Variants in CCNJL observed in about 807,000 individuals in gnomAD.
The protein encoded by CCNJL is cyclin J like, also known as cyclin-J-like protein.
CCNJL carries 33 observed loss-of-function variants against 33.4 expected under a neutral mutation model. The ratio of observed to expected loss-of-function variants is 0.99; its 90% CI spans 0.75 to 1.32. The LOEUF (loss-of-function observed/expected upper bound fraction) is 1.32, where lower values mean the gene tolerates loss of function less well. CCNJL is among the 40% of genes most tolerant of loss of function. CCNJL has a pLI of 0.00. For synonymous variants in CCNJL, 227 were observed against 220.9 expected (o/e 1.03, Z -0.24); for missense variants, 512 against 499.7 (o/e 1.02, Z -0.23).
intron 1 of CCNJL, among the ~76,000 whole-genome samples, chr5:160,320,390 G>T (rs571345203): frequency 1.8e-4 from 27 of 152,296 alleles, no homozygotes; most frequent in African/African-American, 6.3e-4. Context: ...AATCTGGGGG[G>T]ATAAGAGGGT....
At chr5:160,309,262 G>A (rs1176299646) in intron 2 of CCNJL, among the ~76,000 whole-genome samples, 1 of 152,212 alleles carries the variant, frequency 6.6e-6, no homozygotes. Context: ...CGTGCATGCA[G>A]TACCAAGACT....
In CCNJL at chr5:160,311,857, C is replaced by T; in HGVS notation, c.66+1G>A. The T allele has an allele frequency of 6.2e-7, 1 of 1,613,938 alleles. No homozygotes were observed. Among genetic ancestry groups the T allele is most frequent in the Non-Finnish European group, 8.5e-7 (1 of 1,179,780 alleles). On this transcript the variant is annotated splice_donor_variant, in intron 2 of 5. Coordinates refer to ENST00000257536, the MANE Select transcript of CCNJL (RefSeq NM_001308173.3). LOFTEE classifies it high-confidence loss of function. ...AGTGACAAGGGCAGGGAGGGACTGA[C>T]CTTCTCGCGCAGGGTGCAGTGGACG...
At chr5:160,256,481 G>A (rs1761067712) in intron 4 of CCNJL, among the ~76,000 whole-genome samples, 1 of 152,182 alleles carries the variant, frequency 6.6e-6, no homozygotes, top group Non-Finnish European at 1.5e-5. Flanking sequence ...TTGGCACTTA[G>A]GTTGACTGAG....
At position 160,292,852 on chromosome 5, in the gene CCNJL, T is replaced by G. The variant is rs1204316802; in HGVS notation, c.67-12114A>C. 2.0e-5 allele frequency among the ~76,000 whole-genome samples: 3 copies of G among 152,202 alleles called. No individual in the cohort carries two copies. In the South Asian group the frequency reaches 6.2e-4, roughly 31 times the overall value. ...TATAAACTATGCACCTAGCAGTCAT[T>G]TCAAAGGCAATGTTTCTCAATACAT... On this transcript the variant is annotated intron_variant, in intron 2 of 5. Transcript: ENST00000257536.
intron 3 of CCNJL, among the ~76,000 whole-genome samples, chr5:160,263,511 T>C (rs567172377): frequency 1.1e-4 from 17 of 152,344 alleles, no homozygotes; most frequent in African/African-American, 3.1e-4. Flanking sequence ...TCTTGTAAAA[T>C]GCTCCACATT....
chr5:160,321,134 G>A (rs753915825), intron 1 of CCNJL, among the ~76,000 whole-genome samples: 1 of 147,648 alleles, frequency 6.8e-6, no homozygotes, highest in South Asian at 2.1e-4. Context: ...CCATGTGGGC[G>A]ACACACCACA....
intron 3 of CCNJL, among the ~76,000 whole-genome samples, chr5:160,273,709 C>T (rs776357598): frequency 4.9e-5 from 7 of 143,262 alleles, no homozygotes; most frequent in Non-Finnish European, 1.0e-4. Context: ...TACAGTGGCG[C>T]GATCTTGGCT....
intron 1 of CCNJL, among the ~76,000 whole-genome samples, chr5:160,336,514 C>T (rs966493148): frequency 1.3e-5 from 2 of 152,228 alleles, no homozygotes; most frequent in African/African-American, 4.8e-5. Context: ...GTAAGCGCGG[C>T]CCTGCTGCTG....
At position 160,249,108 on chromosome 5, in the gene CCNJL, CTTGA is replaced by C. The variant is rs1297324794; in HGVS notation, c.*4266_*4269del. The C allele has an allele frequency of 1.3e-5, 2 of 152,170 alleles. No individual in the cohort carries two copies. The highest frequency in any genetic ancestry group is 2.9e-5 in the Non-Finnish European group (2 of 68,016). 9.4% of individuals were successfully genotyped at this position (152,170 alleles called of 1,614,324 possible). On this transcript the variant is annotated 3_prime_UTR_variant, in exon 6 of 6. Coordinates refer to ENST00000257536, the MANE Select transcript of CCNJL (RefSeq NM_001308173.3). ...TCAGTCTTTAGCAACTTTAATACTT[CTTGA>C]TTTTTTGCCTAGTGTATTTCATGAG...
chr5:160,258,312 G>C (rs910147311), intron 4 of CCNJL: 4 of 753,682 alleles, frequency 5.3e-6, no homozygotes, highest in Admixed American at 5.3e-5. Context: ...TTCGAAAATG[G>C]TATTACAACG....
intron 3 of CCNJL, among the ~76,000 whole-genome samples, chr5:160,277,593 C>A (rs1218043657): frequency 6.6e-6 from 1 of 152,114 alleles, no homozygotes. Context: ...GGTGTCTTTG[C>A]CACATGTCCA....
chr5:160,287,224 T>C (rs950594379), intron 2 of CCNJL, among the ~76,000 whole-genome samples: 1 of 152,206 alleles, frequency 6.6e-6, no homozygotes, highest in African/African-American at 2.4e-5. Context: ...GCAAGCCTAG[T>C]GGCCCTTCCT....
intron 1 of CCNJL, among the ~76,000 whole-genome samples, chr5:160,324,016 C>T (rs974408462): frequency 3.3e-5 from 5 of 152,168 alleles, no homozygotes; most frequent in Non-Finnish European, 7.3e-5. Flanking sequence ...CACCCTCAGA[C>T]CTCATGGGTC....
At chr5:160,283,738 A>G (rs955931356) in intron 2 of CCNJL, among the ~76,000 whole-genome samples, 10 of 152,066 alleles carry the variant, frequency 6.6e-5, no homozygotes, top group Admixed American at 5.2e-4. Flanking sequence ...TATTTTTTGT[A>G]CCCATTAACC....
intron 1 of CCNJL, among the ~76,000 whole-genome samples, chr5:160,337,980 A>C (rs1763703834): frequency 6.6e-6 from 1 of 152,174 alleles, no homozygotes; most frequent in Admixed American, 6.6e-5. Flanking sequence ...GAGCTCACCT[A>C]CTTCAGCCAA....
At chr5:160,320,788 C>T (rs965127373) in intron 1 of CCNJL, among the ~76,000 whole-genome samples, 68 of 116,312 alleles carry the variant, frequency 5.8e-4, no homozygotes, top group Non-Finnish European at 4.7e-4. Context: ...TTCTTTCTTT[C>T]CTTTCTTTCT....
At chr5:160,268,666 G>C (rs1483422564) in intron 3 of CCNJL, among the ~76,000 whole-genome samples, 1 of 152,198 alleles carries the variant, frequency 6.6e-6, no homozygotes, top group African/African-American at 2.4e-5. Context: ...ACAGGGGTTG[G>C]AGGCCAGGTA....
intron 2 of CCNJL, among the ~76,000 whole-genome samples, chr5:160,299,902 G>A (rs1319359621): frequency 1.3e-5 from 2 of 150,906 alleles, no homozygotes; most frequent in Admixed American, 6.6e-5. Flanking sequence ...ACCACGTTGC[G>A]TCTAATGACT....
chr5:160,264,690 C>T (rs540811163), intron 3 of CCNJL, among the ~76,000 whole-genome samples: 133 of 152,314 alleles, frequency 8.7e-4, no homozygotes, highest in African/African-American at 3.2e-3. Context: ...TTTCATCCTG[C>T]TGAAACTCTG....
Sources: gnomAD v4.1 joint callset for allele counts (sites outside exome capture counted in the v4.1 genomes callset) on GRCh38, gnomAD v4.1.1 for gene constraint, MANE v1.5 for transcripts, NCBI Gene and HGNC (gene_info 2026-07-23, HGNC 2026-07-21) for gene names.